Variants in CAMK1D observed in about 807,000 individuals in gnomAD.
CAMK1D encodes calcium/calmodulin-dependent protein kinase type 1D.
CAMK1D carries 9 observed loss-of-function variants against 47.7 expected under a neutral mutation model. That is an observed-to-expected ratio of 0.19 (90% confidence interval 0.11 to 0.33). The LOEUF is 0.33. Ranked by LOEUF, CAMK1D falls within the 10% of genes least tolerant of loss-of-function variation. The pLI, the probability that CAMK1D is intolerant of heterozygous loss-of-function variation, is 1.00. For missense variants in CAMK1D, 291 were observed against 488.7 expected (o/e 0.60, Z 3.81); for synonymous variants, 184 against 184.9 (o/e 0.99, Z 0.04).
At chr10:12,377,420 C>T (rs924062094) in intron 1 of CAMK1D, among the ~76,000 whole-genome samples, 14 of 152,148 alleles carry the variant, frequency 9.2e-5, no homozygotes, top group Non-Finnish European at 1.9e-4. Flanking sequence ...TGGATGTTGT[C>T]CTGGTCACTT....
intron 1 of CAMK1D, among the ~76,000 whole-genome samples, chr10:12,443,418 G>C (rs939202878): frequency 6.6e-6 from 1 of 151,934 alleles, no homozygotes; most frequent in African/African-American, 2.4e-5. Context: ...CTTCACGAAG[G>C]CACGAACCAT....
At chr10:12,598,310 C>T (rs1219587321) in intron 2 of CAMK1D, among the ~76,000 whole-genome samples, 1 of 152,186 alleles carries the variant, frequency 6.6e-6, no homozygotes, top group African/African-American at 2.4e-5. Flanking sequence ...GGTGTGGGTT[C>T]CCACTTCAGC....
intron 3 of CAMK1D, among the ~76,000 whole-genome samples, chr10:12,742,129 C>T (rs1358485259): frequency 1.3e-5 from 2 of 152,158 alleles, no homozygotes; most frequent in Admixed American, 6.6e-5. Context: ...TGTTTTAACA[C>T]GTTTTTGAGG....
intron 5 of CAMK1D, among the ~76,000 whole-genome samples, chr10:12,779,149 C>G (rs952417911): frequency 4.0e-4 from 61 of 151,884 alleles, no homozygotes; most frequent in African/African-American, 1.5e-3. Flanking sequence ...TGGAAAGTGG[C>G]TCCTCAGGAT....
intron 6 of CAMK1D, among the ~76,000 whole-genome samples, chr10:12,808,728 A>C (rs751983029): frequency 1.3e-5 from 2 of 152,072 alleles, no homozygotes; most frequent in Non-Finnish European, 2.9e-5. Context: ...CGGTGAGCCA[A>C]GGTCGCGCTA....
intron 2 of CAMK1D, among the ~76,000 whole-genome samples, chr10:12,585,987 C>T (rs1198117273): frequency 1.3e-5 from 2 of 152,112 alleles, no homozygotes; most frequent in African/African-American, 4.8e-5. Context: ...AAGCCACCAG[C>T]ATCATCAGCT....
intron 1 of CAMK1D, among the ~76,000 whole-genome samples, chr10:12,441,171 T>A (rs1387747223): frequency 6.6e-6 from 1 of 152,216 alleles, no homozygotes; most frequent in Non-Finnish European, 1.5e-5. Context: ...TTCTGAAGGC[T>A]CTCATGTCAC....
At chr10:12,494,677 G>A (rs1834484045) in intron 1 of CAMK1D, among the ~76,000 whole-genome samples, 1 of 152,102 alleles carries the variant, frequency 6.6e-6, no homozygotes, top group Non-Finnish European at 1.5e-5. Context: ...CGATTCTCCT[G>A]CCTTAGCCTC....
intron 1 of CAMK1D, among the ~76,000 whole-genome samples, chr10:12,393,384 T>A (rs1036549913): frequency 1.3e-5 from 2 of 152,136 alleles, no homozygotes; most frequent in Non-Finnish European, 2.9e-5. Flanking sequence ...TGAATGCAAC[T>A]CATGGTGCTA....
intron 4 of CAMK1D, among the ~76,000 whole-genome samples, chr10:12,764,928 T>C (rs2130916322): frequency 6.6e-6 from 1 of 152,214 alleles, no homozygotes; most frequent in Non-Finnish European, 1.5e-5. Flanking sequence ...AAGCCTTGTC[T>C]CTACTAAAAA....
At chr10:12,727,734 TC>T (rs1368251851) in intron 3 of CAMK1D, among the ~76,000 whole-genome samples, 1 of 151,424 alleles carries the variant, frequency 6.6e-6, no homozygotes, top group African/African-American at 2.4e-5. Flanking sequence ...AGGAAATGTT[TC>T]ACATGTGTCA....
intron 1 of CAMK1D, among the ~76,000 whole-genome samples, chr10:12,527,537 G>C (rs1429369333): frequency 6.6e-6 from 1 of 151,582 alleles, no homozygotes; most frequent in Non-Finnish European, 1.5e-5. Flanking sequence ...TTTTGTTGTT[G>C]TTGTATTTTT....
At chr10:12,745,319 C>T (rs1156423156) in intron 3 of CAMK1D, among the ~76,000 whole-genome samples, 6 of 152,248 alleles carry the variant, frequency 3.9e-5, no homozygotes, top group East Asian at 3.9e-4. Context: ...TGTGAGCCAC[C>T]GTGCCCAGCT....
intron 10 of CAMK1D, 152 bp downstream of exon 10, chr10:12,825,842 C>T: frequency 7.6e-7 from 1 of 1,307,724 alleles, no homozygotes; most frequent in Non-Finnish European, 1.0e-6. Flanking sequence ...CTTTTTTTAA[C>T]ATGTAATCAC....
At chr10:12,588,481 A>G (rs746612131) in intron 2 of CAMK1D, among the ~76,000 whole-genome samples, 1 of 152,150 alleles carries the variant, frequency 6.6e-6, no homozygotes, top group Non-Finnish European at 1.5e-5. Context: ...TGTGACAAAT[A>G]GGGAGCAAAT....
chr10:12,441,785 T>G (rs907414184), intron 1 of CAMK1D, among the ~76,000 whole-genome samples: 2 of 151,904 alleles, frequency 1.3e-5, no homozygotes, highest in African/African-American at 4.8e-5. Flanking sequence ...GGCAACAGAA[T>G]GAGACTCTGT....
chr10:12,826,468 C>T (rs949331391), intron 10 of CAMK1D, among the ~76,000 whole-genome samples: 6 of 152,284 alleles, frequency 3.9e-5, no homozygotes, highest in Admixed American at 2.6e-4. Context: ...CATTGTCCTT[C>T]GTCTTTGCAT....
At chr10:12,491,016 A>C (rs1392753584) in intron 1 of CAMK1D, among the ~76,000 whole-genome samples, 1 of 152,212 alleles carries the variant, frequency 6.6e-6, no homozygotes, top group African/African-American at 2.4e-5. Flanking sequence ...GGGAATTTCT[A>C]TGAAGGAAAA....
intron 6 of CAMK1D, among the ~76,000 whole-genome samples, chr10:12,805,678 G>A (rs963398417): frequency 6.6e-5 from 10 of 152,176 alleles, no homozygotes; most frequent in Admixed American, 3.9e-4. Flanking sequence ...CCAATAGGCC[G>A]ATATCTTTAC....
Sources: allele counts gnomAD v4.1 joint callset (sites outside exome capture counted in the v4.1 genomes callset), GRCh38; gene constraint gnomAD v4.1.1; transcripts MANE v1.5; gene names NCBI Gene and HGNC (gene_info 2026-07-23, HGNC 2026-07-21).